Variants in SMYD3 observed in about 807,000 individuals in gnomAD.
The protein encoded by SMYD3 is SET and MYND domain containing 3.
A neutral mutation model predicts 57.7 loss-of-function variants in SMYD3; 36 were observed. The ratio of observed to expected loss-of-function variants is 0.62; its 90% CI spans 0.48 to 0.82. SMYD3 has a LOEUF of 0.82. Ranked by LOEUF, SMYD3 falls within the 40% of genes least tolerant of loss-of-function variation. The pLI, the probability that SMYD3 is intolerant of heterozygous loss-of-function variation, is 0.00. For missense variants in SMYD3, 515 were observed against 538.8 expected, an observed-to-expected ratio of 0.96 and a Z score of 0.44; for synonymous variants, 211 against 195.0, an observed-to-expected ratio of 1.08 and a Z score of -0.68.
intron 1 of SMYD3, among the ~76,000 whole-genome samples, chr1:246,378,693 T>G (rs2066321165): frequency 1.3e-5 from 1 of 77,622 alleles, no homozygotes; most frequent in Non-Finnish European, 2.6e-5. Context: ...ATATACTTAA[T>G]AAACTCCCCT....
At chr1:245,883,064 C>G (rs1056728257) in intron 8 of SMYD3, among the ~76,000 whole-genome samples, 7 of 152,122 alleles carry the variant, frequency 4.6e-5, no homozygotes, top group Non-Finnish European at 8.8e-5. Flanking sequence ...ACAATATTAG[C>G]AATTTTCCAT....
At chr1:246,252,819 T>C (rs1339968) in intron 5 of SMYD3, among the ~76,000 whole-genome samples, 53,486 of 152,096 alleles carry the variant, frequency 0.35, 10,292 homozygotes, top group East Asian at 0.79. Flanking sequence ...ATTTAAGTAT[T>C]CACTAACAGA....
intron 1 of SMYD3, chr1:246,417,174 C>T (rs1280992215): frequency 1.3e-5 from 2 of 152,242 alleles, no homozygotes; most frequent in African/African-American, 4.8e-5. Context: ...ATTAAACTCT[C>T]CTAAAATCAC....
chr1:245,846,058 T>G (rs2050647551), intron 10 of SMYD3, among the ~76,000 whole-genome samples: 1 of 152,110 alleles, frequency 6.6e-6, no homozygotes, highest in African/African-American at 2.4e-5. Context: ...GAATAGAACT[T>G]TTTCTTTTGT....
intron 1 of SMYD3, among the ~76,000 whole-genome samples, chr1:246,431,997 T>A (rs2067302388): frequency 6.6e-6 from 1 of 152,228 alleles, no homozygotes; most frequent in Non-Finnish European, 1.5e-5. Context: ...GAAAAAAGTA[T>A]ATAGTCTGGC....
intron 1 of SMYD3, among the ~76,000 whole-genome samples, chr1:246,409,939 T>C (rs1236754921): frequency 1.3e-5 from 2 of 152,232 alleles, no homozygotes; most frequent in Middle Eastern, 3.2e-3. Context: ...TTTGAAGCAA[T>C]TGTGAATGGG....
intron 10 of SMYD3, among the ~76,000 whole-genome samples, chr1:245,791,379 CCTG>C (rs1365921344): frequency 6.6e-6 from 1 of 152,138 alleles, no homozygotes; most frequent in Non-Finnish European, 1.5e-5. Context: ...ATCAGTTTAT[CCTG>C]CTAACACCAT....
At chr1:245,847,578 G>A (rs1469175103) in intron 10 of SMYD3, among the ~76,000 whole-genome samples, 2 of 152,122 alleles carry the variant, frequency 1.3e-5, no homozygotes, top group African/African-American at 4.8e-5. Context: ...AGGGGAAATG[G>A]GATTTCTTTT....
intron 5 of SMYD3, among the ~76,000 whole-genome samples, chr1:246,019,193 T>G (rs2059427445): frequency 6.6e-6 from 1 of 152,148 alleles, no homozygotes; most frequent in Non-Finnish European, 1.5e-5. Flanking sequence ...CTGGCAATGT[T>G]TGGAGACATT....
chr1:246,459,201 C>A (rs2067754483), intron 1 of SMYD3, among the ~76,000 whole-genome samples: 1 of 149,688 alleles, frequency 6.7e-6, no homozygotes, highest in Admixed American at 6.7e-5. Context: ...CTCGCGAGAT[C>A]TTGTTATTTG....
intron 5 of SMYD3, among the ~76,000 whole-genome samples, chr1:246,167,657 C>T (rs1210035700): frequency 6.6e-6 from 1 of 151,590 alleles, no homozygotes; most frequent in Non-Finnish European, 1.5e-5. Context: ...ATTATAGGCA[C>T]ACCCCACCAG....
chr1:246,456,558 G>A (rs1383434656), intron 1 of SMYD3, among the ~76,000 whole-genome samples: 1 of 152,134 alleles, frequency 6.6e-6, no homozygotes, highest in African/African-American at 2.4e-5. Context: ...ACTGACCCCA[G>A]GAGCATTAGG....
intron 5 of SMYD3, chr1:246,326,859 T>C (rs2065361286): frequency 9.0e-6 from 3 of 334,494 alleles, no homozygotes; most frequent in South Asian, 8.9e-5. Flanking sequence ...ACTCAATGAA[T>C]GCAATGCAAC....
chr1:246,109,365 T>C (rs1332013671), intron 5 of SMYD3, among the ~76,000 whole-genome samples: 2 of 152,162 alleles, frequency 1.3e-5, no homozygotes. Context: ...TACTGAAGAG[T>C]AGCCCTACAG....
chr1:246,463,985 G>A (rs1218944472), intron 1 of SMYD3, among the ~76,000 whole-genome samples: 1 of 151,734 alleles, frequency 6.6e-6, no homozygotes, highest in Non-Finnish European at 1.5e-5. Flanking sequence ...CCAGAAACAG[G>A]TCTAAAATCT....
intron 5 of SMYD3, among the ~76,000 whole-genome samples, chr1:246,273,163 G>C (rs975104535): frequency 2.1e-4 from 11 of 51,246 alleles, no homozygotes; most frequent in African/African-American, 9.5e-4. Flanking sequence ...CTTTTTTTTG[G>C]GGGGGGGACA....
intron 5 of SMYD3, among the ~76,000 whole-genome samples, chr1:246,228,140 T>C (rs578249643): frequency 1.3e-5 from 2 of 152,096 alleles, no homozygotes; most frequent in South Asian, 4.2e-4. Context: ...CGGCTAATTT[T>C]TGTATTTTTA....
chr1:246,206,471 T>A (rs943158495), intron 5 of SMYD3, among the ~76,000 whole-genome samples: 2 of 152,104 alleles, frequency 1.3e-5, no homozygotes, highest in African/African-American at 2.4e-5. Context: ...TAGGGTCATA[T>A]GGAATGTTCT....
chr1:246,262,538 C>A (rs1425204971), intron 5 of SMYD3, among the ~76,000 whole-genome samples: 1 of 152,166 alleles, frequency 6.6e-6, no homozygotes, highest in Non-Finnish European at 1.5e-5. Flanking sequence ...GTGACTCAGA[C>A]AGACACAGTT....
Sources: allele counts gnomAD v4.1 joint callset (sites outside exome capture counted in the v4.1 genomes callset), GRCh38; gene constraint gnomAD v4.1.1; transcripts MANE v1.5; gene names NCBI Gene and HGNC (gene_info 2026-07-23, HGNC 2026-07-21).